Variants in MAGI2 observed in about 807,000 individuals in gnomAD.
MAGI2 encodes the protein membrane-associated guanylate kinase, WW and PDZ domain-containing protein 2.
Under a neutral mutation model 133.3 loss-of-function variants are expected in MAGI2, and 35 were observed. The observed-to-expected ratio is 0.26, with a 90% CI of 0.20 to 0.35. MAGI2 has a LOEUF of 0.35. MAGI2 is among the 10% of genes least tolerant of loss of function. MAGI2 has a pLI of 1.00. For missense variants in MAGI2, 1,636 were observed against 1,863.4 expected, an observed-to-expected ratio of 0.88 and a Z score of 2.25; for synonymous variants, 729 against 710.6, an observed-to-expected ratio of 1.03 and a Z score of -0.41.
chr7:79,057,315 A>G (rs1217708799), intron 1 of MAGI2, among the ~76,000 whole-genome samples: 3 of 152,156 alleles, frequency 2.0e-5, no homozygotes, highest in Non-Finnish European at 4.4e-5. Context: ...GTTGTTTTTA[A>G]AACACTGACC....
intron 2 of MAGI2, among the ~76,000 whole-genome samples, chr7:78,767,713 A>C (rs1224708668): frequency 6.6e-6 from 1 of 152,188 alleles, no homozygotes; most frequent in Non-Finnish European, 1.5e-5. Flanking sequence ...AGTTAGAGTA[A>C]AATATGTTTG....
rs548850640 is a variant in MAGI2 at position 79,289,030 on chromosome 7, C to T, written c.301+163990G>A. The stretch of plus-strand genomic sequence containing the variant: ...AAACTGGAATCAAATTTACCGACCC[C>T]TGGCAAATGGAACACCCATGTGTCA... On this transcript the variant is annotated intron_variant, in intron 1 of 21. Coordinates refer to ENST00000354212, the MANE Select transcript of MAGI2 (RefSeq NM_012301.4). 4.1e-4 allele frequency among the ~76,000 whole-genome samples: 63 copies of T among 152,256 alleles called. No individual in the cohort carries two copies. The South Asian group carries it at 4.4e-3, about 11-fold the overall frequency.
intron 3 of MAGI2, among the ~76,000 whole-genome samples, chr7:78,545,691 C>T (rs567478637): frequency 6.6e-6 from 1 of 152,204 alleles, no homozygotes; most frequent in East Asian, 1.9e-4. Flanking sequence ...AAACTTGTAA[C>T]CACAACATAA....
chr7:78,525,160 CAGATT>C (rs1380937557), intron 3 of MAGI2, among the ~76,000 whole-genome samples: 5 of 151,958 alleles, frequency 3.3e-5, no homozygotes, highest in Non-Finnish European at 7.4e-5. Flanking sequence ...TGAAATACAT[CAGATT>C]AAATTTTATA....
intron 6 of MAGI2, among the ~76,000 whole-genome samples, chr7:78,409,433 C>T (rs1797673592): frequency 6.6e-6 from 1 of 152,066 alleles, no homozygotes; most frequent in Non-Finnish European, 1.5e-5. Flanking sequence ...CAACAGATTC[C>T]AAAGCCTGCG....
chr7:78,712,386 G>A (rs1023840195), intron 2 of MAGI2, among the ~76,000 whole-genome samples: 8 of 152,096 alleles, frequency 5.3e-5, no homozygotes, highest in African/African-American at 1.9e-4. Flanking sequence ...CATGATGAGA[G>A]CTATTTATAA....
chr7:78,173,888 C>A lies in MAGI2; in HGVS notation c.2403+4123G>T, dbSNP rs140276489. ...AGCCAGTTGTTGTCATGGAGAAAGG[C>A]AAGCTCAATGTTGCTAAATTTAATT... On this transcript the variant is annotated intron_variant, in intron 14 of 21. Transcript: ENST00000354212. 5.5e-4 allele frequency among the ~76,000 whole-genome samples: 83 copies of A among 152,238 alleles called. 1 individual carries two copies. The highest frequency in any genetic ancestry group is 3.4e-3 in the Middle Eastern group (1 of 294).
intron 2 of MAGI2, among the ~76,000 whole-genome samples, chr7:78,942,181 G>A (rs1324267508): frequency 6.6e-6 from 1 of 152,080 alleles, no homozygotes; most frequent in East Asian, 1.9e-4. Context: ...GATTCTGTGG[G>A]CCAGGTGGCA....
rs1562973241 is a variant in MAGI2 at position 79,186,235 on chromosome 7, TATA to T, written c.302-179032_302-179030del. On this transcript the variant is annotated intron_variant, in intron 1 of 21. Coordinates refer to ENST00000354212, the MANE Select transcript of MAGI2 (RefSeq NM_012301.4). ...ATATATATATATATATATATATATA[TATA>T]TATATTTATATTTATTTATTTATAA... 2.6e-3 allele frequency among the ~76,000 whole-genome samples: 194 copies of T among 73,240 alleles called. 3 individuals carry two copies. The highest frequency in any genetic ancestry group is 6.2e-3 in the African/African-American group (172 of 27,670). 48.0% of individuals were successfully genotyped at this position (73,240 alleles called of 152,430 possible).
intron 2 of MAGI2, among the ~76,000 whole-genome samples, chr7:78,924,508 T>C (rs1017611184): frequency 1.3e-5 from 2 of 151,160 alleles, no homozygotes; most frequent in East Asian, 1.9e-4. Flanking sequence ...TATTGATTTG[T>C]GTATATTGAA....
intron 4 of MAGI2, among the ~76,000 whole-genome samples, chr7:78,504,961 G>C (rs1168861545): frequency 6.6e-6 from 1 of 152,042 alleles, no homozygotes; most frequent in African/African-American, 2.4e-5. Flanking sequence ...CATATATTAA[G>C]ATCTCTAAGT....
At chr7:79,107,401 C>A (rs1818534393) in intron 1 of MAGI2, among the ~76,000 whole-genome samples, 1 of 152,170 alleles carries the variant, frequency 6.6e-6, no homozygotes, top group African/African-American at 2.4e-5. Flanking sequence ...CCTGAATGAA[C>A]CTGAAAGTGG....
chr7:78,129,673 C>T lies in MAGI2; in HGVS notation c.3204-2257G>A, dbSNP rs200906454. ...TCAAGAATCACTTCCGGCCAGATGC[C>T]GTGGCTCACGCCTGTAATCCCAGCA... On this transcript the variant is annotated intron_variant, in intron 18 of 21. Coordinates refer to ENST00000354212, the MANE Select transcript of MAGI2 (RefSeq NM_012301.4). Among the ~76,000 whole-genome samples, 27 of 152,096 alleles carry T rather than the reference C, an allele frequency of 1.8e-4. 1 individual carries two copies. The East Asian group carries it at 4.6e-3, about 26-fold the overall frequency.
intron 1 of MAGI2, among the ~76,000 whole-genome samples, chr7:79,352,401 G>C (rs191384754): frequency 8.5e-5 from 13 of 152,186 alleles, no homozygotes; most frequent in Non-Finnish European, 1.9e-4. Context: ...CTTTCTAAAA[G>C]TCCTGGTTTT....
intron 4 of MAGI2, among the ~76,000 whole-genome samples, chr7:78,506,163 A>C (rs1183443465): frequency 6.6e-6 from 1 of 152,220 alleles, no homozygotes; most frequent in Non-Finnish European, 1.5e-5. Context: ...TCAAAAAGTA[A>C]TGATGGTGGC....
intron 1 of MAGI2, among the ~76,000 whole-genome samples, chr7:79,022,700 C>T (rs1233642403): frequency 6.7e-6 from 1 of 148,628 alleles, no homozygotes; most frequent in African/African-American, 2.5e-5. Flanking sequence ...TTACAACTGG[C>T]CACACAGAAA....
At chr7:78,455,465 A>G (rs1233499392) in intron 6 of MAGI2, among the ~76,000 whole-genome samples, 1 of 152,190 alleles carries the variant, frequency 6.6e-6, no homozygotes, top group Non-Finnish European at 1.5e-5. Context: ...AGACAGAATA[A>G]GACCATCTTA....
At chr7:78,971,556 A>G (rs929633981) in intron 2 of MAGI2, among the ~76,000 whole-genome samples, 10 of 152,102 alleles carry the variant, frequency 6.6e-5, no homozygotes, top group Non-Finnish European at 1.2e-4. Flanking sequence ...ATATTTTAGT[A>G]TAAGTATTTC....
At chr7:78,793,178 C>A (rs1787317669) in intron 2 of MAGI2, among the ~76,000 whole-genome samples, 1 of 152,188 alleles carries the variant, frequency 6.6e-6, no homozygotes, top group Admixed American at 6.5e-5. Flanking sequence ...GCTCTATCAT[C>A]CTGAATCCCA....
Sources: gnomAD v4.1 joint callset for allele counts (sites outside exome capture counted in the v4.1 genomes callset) on GRCh38, gnomAD v4.1.1 for gene constraint, MANE v1.5 for transcripts, NCBI Gene and HGNC (gene_info 2026-07-23, HGNC 2026-07-21) for gene names.